The following SLC14A2 variants were observed in gnomAD, a reference collection of about 807,000 sequenced individuals.
SLC14A2 encodes solute carrier family 14 member 2.
A neutral mutation model predicts 104.6 loss-of-function variants in SLC14A2; 91 were observed. The ratio of observed to expected loss-of-function variants is 0.87; its 90% CI spans 0.73 to 1.04. The LOEUF is 1.04. Among genes scored for constraint, SLC14A2 ranks in the 50% least tolerant of loss-of-function variants. SLC14A2 has a pLI of 0.00. For synonymous variants in SLC14A2, 476 were observed against 466.4 expected, an observed-to-expected ratio of 1.02 and a Z score of -0.27; for missense variants, 1,189 against 1,156.0, an observed-to-expected ratio of 1.03 and a Z score of -0.41.
At chr18:45,282,221 T>G (rs2084769560) in intron 1 of SLC14A2, among the ~76,000 whole-genome samples, 1 of 152,132 alleles carries the variant, frequency 6.6e-6, no homozygotes, top group Non-Finnish European at 1.5e-5. Context: ...CAGGCCCTTC[T>G]TAGTCCAGGC....
intron 1 of SLC14A2, among the ~76,000 whole-genome samples, chr18:45,213,593 C>A (rs1253036573): frequency 6.6e-6 from 1 of 152,110 alleles, no homozygotes; most frequent in African/African-American, 2.4e-5. Context: ...TTTGTAAGTT[C>A]TTTATCCCAT....
intron 1 of SLC14A2, among the ~76,000 whole-genome samples, chr18:45,241,617 ATTTTCTTTTC>A (rs1289776002): frequency 2.5e-5 from 3 of 117,756 alleles, no homozygotes; most frequent in African/African-American, 6.2e-5. Flanking sequence ...GACTTATTTG[ATTTTCTTTTC>A]TTTTCTTTTC....
chr18:45,373,314 A>C (rs895490017), intron 1 of SLC14A2, among the ~76,000 whole-genome samples: 10 of 152,160 alleles, frequency 6.6e-5, no homozygotes, highest in Non-Finnish European at 1.2e-4. Flanking sequence ...TCTCTCTAGC[A>C]TAGTTGCTGC....
chr18:45,500,493 C>T (rs1301649232), intron 2 of SLC14A2, among the ~76,000 whole-genome samples: 4 of 147,396 alleles, frequency 2.7e-5, no homozygotes, highest in Non-Finnish European at 1.5e-5. Flanking sequence ...AGGAGAATGG[C>T]GTGAACCCGG....
chr18:45,444,813 GA>G (rs1016066710), intron 1 of SLC14A2, among the ~76,000 whole-genome samples: 43 of 152,266 alleles, frequency 2.8e-4, no homozygotes, highest in African/African-American at 1.0e-3. Flanking sequence ...TTCTCTCAGG[GA>G]GCCTATGAGA....
At chr18:45,330,975 A>T (rs751030876) in intron 1 of SLC14A2, among the ~76,000 whole-genome samples, 13 of 152,240 alleles carry the variant, frequency 8.5e-5, no homozygotes, top group Non-Finnish European at 1.8e-4. Flanking sequence ...AAAATACGTG[A>T]TTGAAAAAAT....
chr18:45,449,721 A>G (rs1296980603), intron 1 of SLC14A2, among the ~76,000 whole-genome samples: 1 of 152,240 alleles, frequency 6.6e-6, no homozygotes, highest in Non-Finnish European at 1.5e-5. Context: ...GTAAAAGTTA[A>G]AGGGGCTGAG....
intron 1 of SLC14A2, among the ~76,000 whole-genome samples, chr18:45,281,908 C>G (rs914930141): frequency 3.3e-5 from 5 of 152,310 alleles, no homozygotes; most frequent in African/African-American, 1.2e-4. Context: ...AGTCTCTCAC[C>G]TGCCTGAGCC....
chr18:45,449,132 G>A (rs1041357757), intron 1 of SLC14A2, among the ~76,000 whole-genome samples: 4 of 152,198 alleles, frequency 2.6e-5, no homozygotes, highest in African/African-American at 4.8e-5. Flanking sequence ...CCCATTCCAG[G>A]CAGGCCAGTG....
chr18:45,663,289 T>C (rs9962910), intron 10 of SLC14A2, among the ~76,000 whole-genome samples: 37 of 152,346 alleles, frequency 2.4e-4, no homozygotes, highest in African/African-American at 8.4e-4. Flanking sequence ...ATGTCAGTTC[T>C]CAGCCCAAGC....
At chr18:45,408,960 A>G (rs751019657) in intron 1 of SLC14A2, among the ~76,000 whole-genome samples, 2 of 152,184 alleles carry the variant, frequency 1.3e-5, no homozygotes, top group African/African-American at 2.4e-5. Flanking sequence ...TTATTAACCA[A>G]TGCTCTGAGC....
chr18:45,594,620 G>A lies in SLC14A2; in HGVS notation c.-34-30011G>A, dbSNP rs75956223. Among the ~76,000 whole-genome samples, 8 of 152,200 alleles carry A rather than the reference G, an allele frequency of 5.3e-5. No individual in the cohort carries two copies. In the South Asian group the frequency reaches 1.0e-3, roughly 20 times the overall value. On this transcript the variant is annotated intron_variant, in intron 2 of 20. Coordinates refer to the SLC14A2 transcript ENST00000586448. The stretch of plus-strand genomic sequence containing the variant: ...AGACCCAGGCAGAGTGGGCACAGCC[G>A]TCCAACCATCCAGAAACTAGACCCA...
intron 2 of SLC14A2, among the ~76,000 whole-genome samples, chr18:45,573,652 C>G (rs2044380045): frequency 6.6e-6 from 1 of 152,236 alleles, no homozygotes; most frequent in Admixed American, 6.5e-5. Context: ...ACCACCCATA[C>G]TCTGAAAATT....
rs1397535616 is a variant in SLC14A2 at position 45,391,267 on chromosome 18, AT to A, written c.-124-91965del. Among the ~76,000 whole-genome samples, 16 of 152,260 alleles carry A rather than the reference AT, an allele frequency of 1.1e-4. No individual in the cohort carries two copies. In the East Asian group the frequency reaches 2.5e-3, roughly 24 times the overall value. ...AAAGTACATGAACTCATCATTTTTTATGGCTGCATAGTATTCCATGGTGTAT... is the reference window on the plus strand; with the variant it reads ...AAAGTACATGAACTCATCATTTTTTAGGCTGCATAGTATTCCATGGTGTAT... On this transcript the variant is annotated intron_variant, in intron 1 of 20. Transcript: ENST00000586448.
upstream of SLC14A2, among the ~76,000 whole-genome samples, chr18:45,209,908 T>A (rs748358306): frequency 4.6e-5 from 7 of 152,186 alleles, no homozygotes; most frequent in Non-Finnish European, 8.8e-5. Flanking sequence ...GGAAACAAGG[T>A]CAAGCTTTAG....
chr18:45,504,623 T>C (rs890253896), intron 2 of SLC14A2, among the ~76,000 whole-genome samples: 1 of 152,230 alleles, frequency 6.6e-6, no homozygotes, highest in African/African-American at 2.4e-5. Context: ...CATTAAGAAA[T>C]GAAAATGTGT....
intron 1 of SLC14A2, among the ~76,000 whole-genome samples, chr18:45,245,032 A>T (rs1377527926): frequency 6.6e-6 from 1 of 152,222 alleles, no homozygotes; most frequent in East Asian, 1.9e-4. Flanking sequence ...ACTTTATGCC[A>T]TGTGCCATAC....
intron 1 of SLC14A2, among the ~76,000 whole-genome samples, chr18:45,444,701 C>A (rs2086735178): frequency 6.6e-6 from 1 of 152,170 alleles, no homozygotes; most frequent in African/African-American, 2.4e-5. Flanking sequence ...TTCATTTTAT[C>A]TAATGGCTGT....
At chr18:45,490,515 G>T (rs2042978780) in intron 2 of SLC14A2, among the ~76,000 whole-genome samples, 1 of 152,032 alleles carries the variant, frequency 6.6e-6, no homozygotes, top group Admixed American at 6.5e-5. Context: ...ACTATTCAAA[G>T]AATATTCAGG....
Sources: allele counts gnomAD v4.1 joint callset (sites outside exome capture counted in the v4.1 genomes callset), GRCh38; gene constraint gnomAD v4.1.1; transcripts MANE v1.5; gene names NCBI Gene and HGNC (gene_info 2026-07-23, HGNC 2026-07-21).